TCP11: variants seen among roughly 807,000 people sequenced by gnomAD.
The protein encoded by TCP11 is T-complex protein 11 homolog.
In TCP11, 34 loss-of-function variants were observed where a neutral mutation model predicts 45.0. That is an observed-to-expected ratio of 0.76 (90% CI 0.57 to 1.01). The LOEUF is 1.01. Among genes scored for constraint, TCP11 ranks in the 50% least tolerant of loss-of-function variants. The probability of loss-of-function intolerance (pLI) is 0.00; values close to 1 mark genes in which losing one functional copy is unlikely to be tolerated. For synonymous variants in TCP11, 227 were observed against 227.0 expected (o/e 1.00, Z 0.00); for missense variants, 523 against 598.1 (o/e 0.87, Z 1.31).
intron 4 of TCP11, among the ~76,000 whole-genome samples, chr6:35,124,176 A>C (rs746216580): frequency 2.6e-4 from 39 of 152,126 alleles, no homozygotes; most frequent in Non-Finnish European, 5.1e-4. Context: ...ATTTATTTAG[A>C]ATCACTCGAG....
Position 35,118,377 on chromosome 6 carries a change from GA to G in TCP11, c.1403del (p.Val468AlafsTer3). The G allele has an allele frequency of 1.2e-6, 2 of 1,614,188 alleles. No homozygotes were observed. Among genetic ancestry groups the G allele is most frequent in the Non-Finnish European group, 1.7e-6 (2 of 1,180,018 alleles). ...AELAELGQKF[V>X]NLTHHNQQVF... ...CCTGCTGATTGTGATGTGTCAAGTTGACAAACTTTTGGCCCAGTTCTGCCAG... is the reference window on the plus strand; with the variant it reads ...CCTGCTGATTGTGATGTGTCAAGTTGCAAACTTTTGGCCCAGTTCTGCCAG... On this transcript the variant is annotated frameshift_variant, in exon 10 of 10. Transcript: ENST00000311875. LOFTEE classifies it low-confidence loss of function (END_TRUNC).
intron 5 of TCP11, among the ~76,000 whole-genome samples, chr6:35,121,710 G>A (rs1779270024): frequency 6.6e-6 from 1 of 151,994 alleles, no homozygotes; most frequent in African/African-American, 2.4e-5. Flanking sequence ...CTACTCGGGA[G>A]GCTGAGGCAG....
chr6:35,121,330 C>T (rs1030330445), intron 5 of TCP11, among the ~76,000 whole-genome samples: 12 of 151,778 alleles, frequency 7.9e-5, no homozygotes, highest in African/African-American at 2.9e-4. Flanking sequence ...AAGAAATACA[C>T]CAGCATGCTA....
intron 8 of TCP11, among the ~76,000 whole-genome samples, chr6:35,119,793 A>G (rs1343371843): frequency 1.3e-5 from 2 of 152,194 alleles, no homozygotes; most frequent in Non-Finnish European, 2.9e-5. Flanking sequence ...AGTTATAACT[A>G]CAACCTGGCC....
At position 35,120,694 on chromosome 6, in the gene TCP11, T is replaced by G; in HGVS notation, c.716-48A>C. Reference sequence around the variant, plus strand: ...TAAGCATCTTTAGCATCTTCATCTCTGAGGCTTCAAGACCAAGGTTCTTTT... The same window carrying G: ...TAAGCATCTTTAGCATCTTCATCTCGGAGGCTTCAAGACCAAGGTTCTTTT... On this transcript the variant is annotated intron_variant, in intron 6 of 9. Transcript: ENST00000311875. The surrounding 1 kb of genome is among the most constrained non-coding windows in gnomAD (Gnocchi z 4.9). 6.4e-7 allele frequency: 1 copy of G among 1,559,830 alleles called. No homozygotes were observed. Among genetic ancestry groups the G allele is most frequent in the Non-Finnish European group, 8.7e-7 (1 of 1,145,670 alleles).
At chr6:35,141,047 G>C in intron 1 of TCP11, 158 bp downstream of exon 1, 1 of 1,238,234 alleles carries the variant, frequency 8.1e-7, no homozygotes, top group Non-Finnish European at 1.0e-6. Context: ...GAAGTCGAGA[G>C]TGGGACAGAA....
intron 4 of TCP11, among the ~76,000 whole-genome samples, chr6:35,126,535 T>C (rs73745102): frequency 0.043 from 6,509 of 151,914 alleles, 293 homozygotes; most frequent in East Asian, 0.23. Context: ...CAGCTGGCCC[T>C]AACTAAAAAG....
At position 35,141,187 on chromosome 6, in the gene TCP11, CG is replaced by C; in HGVS notation, c.-15+17del. The C allele has an allele frequency of 7.2e-7, 1 of 1,381,412 alleles. No individual in the cohort carries two copies. 85.6% of individuals were successfully genotyped at this position (1,381,412 alleles called of 1,614,324 possible). The stretch of plus-strand genomic sequence containing the variant: ...CGAAACGCCGGCCCAGGCCCGCCTC[CG>C]GCTCCCAGGCCGTCACCTCCTCCTC... On this transcript the variant is annotated intron_variant, in intron 1 of 9. Coordinates refer to ENST00000311875, the MANE Select transcript of TCP11 (RefSeq NM_001370687.1).
chr6:35,140,158 T>C (rs1405221597), intron 2 of TCP11: 24 of 1,602,778 alleles, frequency 1.5e-5, no homozygotes, highest in Non-Finnish European at 1.7e-5. Flanking sequence ...CGCATTTCAA[T>C]AGTCAAGAAT....
chr6:35,119,408 A>G lies in TCP11; in HGVS notation c.1116-17T>C, dbSNP rs1258100690. ...TCCTCAGGCCTAGACCATGAAAGAA[A>G]GTAAGCTGGCACCCACCAGGTAACC... On this transcript the variant is annotated splice_polypyrimidine_tract_variant and intron_variant, in intron 8 of 9. Coordinates refer to ENST00000311875, the MANE Select transcript of TCP11 (RefSeq NM_001370687.1). 1 of 1,612,306 alleles carries G rather than the reference A, an allele frequency of 6.2e-7. No individual in the cohort carries two copies. The highest frequency in any genetic ancestry group is 8.5e-7 in the Non-Finnish European group (1 of 1,179,074).
intron 3 of TCP11, among the ~76,000 whole-genome samples, chr6:35,131,510 G>A (rs1780449075): frequency 6.6e-6 from 1 of 152,080 alleles, no homozygotes; most frequent in African/African-American, 2.4e-5. Context: ...GGAGGTTGCA[G>A]TGAGCCGAGA....
chr6:35,121,562 C>G (rs1779253553), intron 5 of TCP11, among the ~76,000 whole-genome samples: 1 of 151,298 alleles, frequency 6.6e-6, no homozygotes, highest in Non-Finnish European at 1.5e-5. Context: ...CCTGTAATCC[C>G]AGCACTTTGG....
chr6:35,121,515 TG>T (rs1176909177), intron 5 of TCP11, among the ~76,000 whole-genome samples: 1 of 151,224 alleles, frequency 6.6e-6, no homozygotes, highest in Non-Finnish European at 1.5e-5. Context: ...AGAGAAAACC[TG>T]GGAAAGGGCC....
At chr6:35,119,174 G>T in intron 9 of TCP11, 54 bp downstream of exon 9, 1 of 1,595,662 alleles carries the variant, frequency 6.3e-7, no homozygotes, top group Non-Finnish European at 8.6e-7. Flanking sequence ...GGGGTTCCAC[G>T]GTTGGGATCT....
chr6:35,122,393 C>T, intron 4 of TCP11, 56 bp from the exon 5 acceptor site: 5 of 1,505,570 alleles, frequency 3.3e-6, no homozygotes, highest in Non-Finnish European at 4.6e-6. Context: ...AAACTTTATC[C>T]AATGGGCAAT....
intron 3 of TCP11, among the ~76,000 whole-genome samples, chr6:35,133,129 AT>A (rs1780639931): frequency 6.6e-6 from 1 of 152,020 alleles, no homozygotes; most frequent in African/African-American, 2.4e-5. Flanking sequence ...GAACAATTTT[AT>A]TTTTCAATTG....
intron 3 of TCP11, 116 bp from the exon 4 acceptor site, chr6:35,129,298 G>A (rs1780159449): frequency 7.8e-7 from 1 of 1,288,952 alleles, no homozygotes; most frequent in African/African-American, 1.5e-5. Context: ...TAATAACAGG[G>A]AAAGGCCAGG....
intron 4 of TCP11, among the ~76,000 whole-genome samples, chr6:35,126,650 CTTTTTTTTTTT>C (rs56010838): frequency 4.5e-5 from 3 of 66,898 alleles, no homozygotes; most frequent in Non-Finnish European, 8.1e-5. Context: ...GAATCAAAGA[CTTTTTTTTTTT>C]TTTTTTTTTT....
rs1456414354 is a variant in TCP11 at position 35,140,867 on chromosome 6, G to C, written c.4C>G (p.Pro2Ala). 1.3e-6 allele frequency: 2 copies of C among 1,577,684 alleles called. No individual in the cohort carries two copies. Among genetic ancestry groups the C allele is most frequent in the Non-Finnish European group, 1.7e-6 (2 of 1,164,982 alleles). Residue 2 changes from proline to alanine, a missense_variant, in exon 2 of 10, where the codon CCA (proline) becomes GCA (alanine). Physicochemically the swap from Pro to Ala is conservative, Grantham distance 27. Around this residue, in one of 2 missense-constraint regions of TCP11, gnomAD observed 225 missense variants for 210.2 expected, o/e 1.07. Transcript: ENST00000311875. ...GGGGGCACACTCTCCTTGACGTCTG[G>C]CATTTTGCTGATGGTATCTGGGTGA... M[P>A]DVKESVPPKY...
Sources: gnomAD v4.1 joint callset for allele counts (sites outside exome capture counted in the v4.1 genomes callset) on GRCh38, gnomAD v4.1.1 for gene constraint, gnomAD v4.1.1 regional missense constraint, Gnocchi (gnomAD v3.1) non-coding constraint, MANE v1.5 for transcripts, NCBI Gene and HGNC (gene_info 2026-07-23, HGNC 2026-07-21) for gene names.